The following CNTNAP2 variants were observed in gnomAD, a reference collection of about 807,000 sequenced individuals.
CNTNAP2 encodes the protein contactin associated protein 2.
A neutral mutation model predicts 155.2 loss-of-function variants in CNTNAP2; 98 were observed. The observed-to-expected ratio is 0.63, with a 90% CI of 0.54 to 0.75. The LOEUF is 0.75. Among genes scored for constraint, CNTNAP2 ranks in the 30% least tolerant of loss-of-function variants. The pLI, the probability that CNTNAP2 is intolerant of heterozygous loss-of-function variation, is 0.00. For synonymous variants in CNTNAP2, 651 were observed against 631.2 expected (o/e 1.03, Z -0.47); for missense variants, 1,727 against 1,688.1 (o/e 1.02, Z -0.40).
chr7:147,624,651 CTG>C (rs1167054726), intron 12 of CNTNAP2, among the ~76,000 whole-genome samples: 2 of 152,184 alleles, frequency 1.3e-5, no homozygotes, highest in Non-Finnish European at 2.9e-5. Flanking sequence ...TCCTCATACA[CTG>C]TTGGTAGAAA....
chr7:148,103,699 T>C (rs1170668286), intron 15 of CNTNAP2, among the ~76,000 whole-genome samples: 1 of 152,222 alleles, frequency 6.6e-6, no homozygotes, highest in Non-Finnish European at 1.5e-5. Flanking sequence ...CTCTCAGATG[T>C]GTTCTTTTTA....
At chr7:146,385,992 A>C (rs1053659613) in intron 1 of CNTNAP2, among the ~76,000 whole-genome samples, 1 of 152,182 alleles carries the variant, frequency 6.6e-6, no homozygotes, top group Admixed American at 6.5e-5. Flanking sequence ...AGATAGTACT[A>C]AAACAGGCTT....
intron 16 of CNTNAP2, among the ~76,000 whole-genome samples, chr7:148,127,244 G>T (rs974148214): frequency 6.6e-6 from 1 of 152,130 alleles, no homozygotes; most frequent in Admixed American, 6.5e-5. Context: ...GGCTGAGATT[G>T]TACCACTGCA....
intron 5 of CNTNAP2, among the ~76,000 whole-genome samples, chr7:147,117,903 C>T (rs1424157965): frequency 5.9e-5 from 9 of 152,020 alleles, no homozygotes; most frequent in Non-Finnish European, 5.9e-5. Flanking sequence ...TTCGCCATCA[C>T]TTAGTTACAT....
chr7:147,663,643 C>T (rs570581088), intron 13 of CNTNAP2, among the ~76,000 whole-genome samples: 10 of 152,318 alleles, frequency 6.6e-5, no homozygotes, highest in East Asian at 1.9e-4. Flanking sequence ...TGTTTCCTCA[C>T]GAAGTAGTAT....
intron 11 of CNTNAP2, among the ~76,000 whole-genome samples, chr7:147,490,566 C>T (rs1798589944): frequency 6.6e-6 from 1 of 152,140 alleles, no homozygotes; most frequent in Admixed American, 6.5e-5. Flanking sequence ...TGTAGTCATA[C>T]TAACATAGAG....
chr7:147,725,731 T>C (rs1796630040), intron 13 of CNTNAP2, among the ~76,000 whole-genome samples: 1 of 152,118 alleles, frequency 6.6e-6, no homozygotes, highest in Non-Finnish European at 1.5e-5. Context: ...AGGTTTCCAT[T>C]GAACCAGTAG....
chr7:147,231,161 C>T lies in CNTNAP2; in HGVS notation c.1349-68980C>T, dbSNP rs76733688. On this transcript the variant is annotated intron_variant, in intron 8 of 23. Coordinates refer to ENST00000361727, the MANE Select transcript of CNTNAP2 (RefSeq NM_014141.6). ...AAAAGCATGGGGGATACCGTCTTCA[C>T]GATCCAACTACAATTCAAGATGAAA... Among the ~76,000 whole-genome samples the T allele has an allele frequency of 4.9e-3, 754 of 152,334 alleles. 6 individuals are homozygous for T. The highest frequency in any genetic ancestry group is 0.017 in the African/African-American group (711 of 41,572).
At chr7:147,409,246 G>A (rs1032813163) in intron 10 of CNTNAP2, among the ~76,000 whole-genome samples, 1 of 152,048 alleles carries the variant, frequency 6.6e-6, no homozygotes, top group African/African-American at 2.4e-5. Context: ...AGAAGTGCAG[G>A]TACACTTAGA....
intron 1 of CNTNAP2, among the ~76,000 whole-genome samples, chr7:146,291,397 T>C (rs1361256709): frequency 6.6e-6 from 1 of 152,202 alleles, no homozygotes; most frequent in Non-Finnish European, 1.5e-5. Context: ...CATGACTATA[T>C]GAAGTTCACG....
At chr7:146,469,455 T>G (rs968596403) in intron 1 of CNTNAP2, among the ~76,000 whole-genome samples, 1 of 151,682 alleles carries the variant, frequency 6.6e-6, no homozygotes, top group African/African-American at 2.4e-5. Flanking sequence ...AGCTCATACA[T>G]GCTCTTTCTC....
At chr7:146,874,881 A>T (rs1256488703) in intron 3 of CNTNAP2, among the ~76,000 whole-genome samples, 1 of 152,120 alleles carries the variant, frequency 6.6e-6, no homozygotes, top group Non-Finnish European at 1.5e-5. Flanking sequence ...TGTTTATTTT[A>T]TATTCAAACC....
intron 1 of CNTNAP2, among the ~76,000 whole-genome samples, chr7:146,166,144 A>G (rs972305682): frequency 2.6e-5 from 4 of 151,930 alleles, no homozygotes; most frequent in Non-Finnish European, 5.9e-5. Flanking sequence ...CCCAGGCTGG[A>G]GTGCAGTGGG....
At chr7:147,389,255 TGAAAG>T (rs1445745580) in intron 9 of CNTNAP2, among the ~76,000 whole-genome samples, 7 of 152,136 alleles carry the variant, frequency 4.6e-5, no homozygotes, top group South Asian at 4.1e-4. Flanking sequence ...AAGATCAAAT[TGAAAG>T]GAAGACAGTA....
chr7:146,539,916 G>C (rs1797926261), intron 1 of CNTNAP2, among the ~76,000 whole-genome samples: 1 of 152,062 alleles, frequency 6.6e-6, no homozygotes, highest in African/African-American at 2.4e-5. Context: ...AGGGAAGACT[G>C]AGTTTATTAA....
rs150122918 is a variant in CNTNAP2, at chr7:146,409,344, G to A, written c.97+292371G>A. On this transcript the variant is annotated intron_variant, in intron 1 of 23. Transcript: ENST00000361727. The stretch of plus-strand genomic sequence containing the variant: ...GAAATCACCTAAAAACTAGCCAATC[G>A]CTTAAAAAGAAAACAAATTTTAAAT... 9.3e-3 allele frequency among the ~76,000 whole-genome samples: 1,410 copies of A among 152,132 alleles called. 15 individuals are homozygous for A. Among genetic ancestry groups the A allele is most frequent in the South Asian group, 0.021 (103 of 4,814 alleles).
intron 1 of CNTNAP2, among the ~76,000 whole-genome samples, chr7:146,332,154 T>G (rs1801198122): frequency 6.6e-6 from 1 of 151,786 alleles, no homozygotes; most frequent in Non-Finnish European, 1.5e-5. Context: ...TTATTAAATT[T>G]ATTATATAAC....
chr7:147,483,987 C>G (rs1798469495), intron 10 of CNTNAP2, among the ~76,000 whole-genome samples: 1 of 136,942 alleles, frequency 7.3e-6, no homozygotes, highest in South Asian at 2.6e-4. Context: ...CTCTTCTTTT[C>G]AGGCCCGGGT....
At chr7:147,778,801 G>A (rs574838862) in intron 13 of CNTNAP2, among the ~76,000 whole-genome samples, 18 of 152,180 alleles carry the variant, frequency 1.2e-4, no homozygotes, top group Non-Finnish European at 2.1e-4. Context: ...CTGAGCCACC[G>A]CGCCCGGCCT....
Sources: allele counts gnomAD v4.1 joint callset (sites outside exome capture counted in the v4.1 genomes callset), GRCh38; gene constraint gnomAD v4.1.1; transcripts MANE v1.5; gene names NCBI Gene and HGNC (gene_info 2026-07-23, HGNC 2026-07-21).